The following FRMD4B variants were observed in gnomAD, a reference collection of about 807,000 sequenced individuals.
FRMD4B encodes FERM domain containing 4B, also known as FERM domain-containing protein 4B.
Under a neutral mutation model 141.5 loss-of-function variants are expected in FRMD4B, and 74 were observed. That is an observed-to-expected ratio of 0.52 (90% CI 0.43 to 0.63). FRMD4B has a LOEUF of 0.63. FRMD4B is among the 30% of genes least tolerant of loss of function. FRMD4B has a pLI of 0.00. For missense variants in FRMD4B, 1,366 were observed against 1,253.4 expected (o/e 1.09, Z -1.36); for synonymous variants, 506 against 467.9 (o/e 1.08, Z -1.05).
At chr3:69,535,770 C>T in intron 1 of FRMD4B, 1 of 469,436 alleles carries the variant, frequency 2.1e-6, no homozygotes, top group Non-Finnish European at 4.4e-6. Flanking sequence ...GTGCAGGCAC[C>T]ACCTTGGACC....
intron 1 of FRMD4B, among the ~76,000 whole-genome samples, chr3:69,338,008 G>C (rs576841902): frequency 6.6e-6 from 1 of 152,276 alleles, no homozygotes; most frequent in Non-Finnish European, 1.5e-5. Flanking sequence ...ACATGCACAC[G>C]TATGTTTATT....
chr3:69,397,724 A>G (rs1222050014), intron 2 of FRMD4B, among the ~76,000 whole-genome samples: 1 of 152,116 alleles, frequency 6.6e-6, no homozygotes. Context: ...ATTAGGGAGA[A>G]ATGGGGAATG....
chr3:69,183,719 T>C (rs2092734940), intron 19 of FRMD4B, among the ~76,000 whole-genome samples: 3 of 152,048 alleles, frequency 2.0e-5, no homozygotes, highest in South Asian at 4.2e-4. Flanking sequence ...CCTGACCTTG[T>C]GATCCGCCCA....
At chr3:69,504,538 T>C (rs1343233595) in intron 1 of FRMD4B, among the ~76,000 whole-genome samples, 1 of 152,218 alleles carries the variant, frequency 6.6e-6, no homozygotes. Context: ...TTGCCTATTC[T>C]GGGCATTTCA....
intron 2 of FRMD4B, 98 bp from the exon 3 acceptor site, chr3:69,311,455 A>G (rs1363007517): frequency 9.5e-6 from 6 of 628,954 alleles, no homozygotes; most frequent in African/African-American, 1.8e-5. Flanking sequence ...GCTTTTGTTT[A>G]TTTGTTTGTT....
chr3:69,216,501 G>A (rs966965212), intron 10 of FRMD4B, among the ~76,000 whole-genome samples, 152 bp from the exon 11 acceptor site: 10 of 144,104 alleles, frequency 6.9e-5, no homozygotes, highest in African/African-American at 1.0e-4. Context: ...GCATGATCTC[G>A]GCTCACTGCA....
At chr3:69,252,730 C>T (rs572489817) in intron 5 of FRMD4B, among the ~76,000 whole-genome samples, 8 of 152,128 alleles carry the variant, frequency 5.3e-5, no homozygotes, top group Non-Finnish European at 1.0e-4. Context: ...TTGGAAGTGC[C>T]GTCTGCCCAG....
At chr3:69,448,752 G>GA (rs1318500055) in intron 1 of FRMD4B, among the ~76,000 whole-genome samples, 1 of 151,948 alleles carries the variant, frequency 6.6e-6, no homozygotes, top group Admixed American at 6.5e-5. Flanking sequence ...AAACAATTTT[G>GA]AAAAAATGCA....
chr3:69,456,064 T>G (rs1393397049), intron 1 of FRMD4B, among the ~76,000 whole-genome samples: 1 of 152,220 alleles, frequency 6.6e-6, no homozygotes, highest in Non-Finnish European at 1.5e-5. Context: ...TAATAACTGG[T>G]GCCGAGTATC....
chr3:69,326,105 T>C (rs1484400583), intron 1 of FRMD4B, among the ~76,000 whole-genome samples: 1 of 150,268 alleles, frequency 6.7e-6, no homozygotes, highest in Non-Finnish European at 1.5e-5. Context: ...CACACCATCA[T>C]GCCTGGCTAA....
At chr3:69,430,144 A>C (rs1705155368) in intron 2 of FRMD4B, among the ~76,000 whole-genome samples, 1 of 151,530 alleles carries the variant, frequency 6.6e-6, no homozygotes, top group Non-Finnish European at 1.5e-5. Flanking sequence ...TTGGTACTAT[A>C]ATCAGGACTG....
At chr3:69,174,059 C>G (rs2092617460) in intron 22 of FRMD4B, among the ~76,000 whole-genome samples, 2 of 151,708 alleles carry the variant, frequency 1.3e-5, no homozygotes, top group Non-Finnish European at 2.9e-5. Flanking sequence ...ATCACTTGAC[C>G]CTGGGTGGCA....
intron 2 of FRMD4B, among the ~76,000 whole-genome samples, chr3:69,403,349 T>G (rs1274138133): frequency 6.6e-6 from 1 of 152,208 alleles, no homozygotes; most frequent in East Asian, 1.9e-4. Flanking sequence ...TGTCCCCATT[T>G]TAAAACTGGC....
At chr3:69,490,225 G>A (rs1268758746) in intron 1 of FRMD4B, among the ~76,000 whole-genome samples, 1 of 152,172 alleles carries the variant, frequency 6.6e-6, no homozygotes, top group Non-Finnish European at 1.5e-5. Context: ...TTTTAAATGA[G>A]ATGATGGTTT....
chr3:69,408,425 C>A (rs1704690327), intron 2 of FRMD4B, among the ~76,000 whole-genome samples: 1 of 152,168 alleles, frequency 6.6e-6, no homozygotes. Context: ...AAAGTTCCGC[C>A]AATTGACGCT....
chr3:69,338,639 A>C lies in FRMD4B; in HGVS notation c.163-25122T>G, dbSNP rs189281992. Among the ~76,000 whole-genome samples the C allele has an allele frequency of 1.8e-3, 271 of 152,304 alleles. 2 individuals carry two copies. Among genetic ancestry groups the C allele is most frequent in the African/African-American group, 6.2e-3 (256 of 41,580 alleles). On this transcript the variant is annotated intron_variant, in intron 1 of 22. Coordinates refer to ENST00000398540, the MANE Select transcript of FRMD4B (RefSeq NM_015123.3). ...TAAGTGGGAGCTAAACATTGAGTAC[A>C]CATGGACACAAAGAAGGGAACAACA...
chr3:69,484,857 G>A (rs532360576), intron 1 of FRMD4B, among the ~76,000 whole-genome samples: 244 of 152,228 alleles, frequency 1.6e-3, no homozygotes, highest in Admixed American at 3.3e-3. Flanking sequence ...GTGCTAACTC[G>A]TCCATGGGCA....
At chr3:69,482,694 T>C (rs1191716541) in intron 1 of FRMD4B, among the ~76,000 whole-genome samples, 1 of 152,148 alleles carries the variant, frequency 6.6e-6, no homozygotes, top group Non-Finnish European at 1.5e-5. Flanking sequence ...CTAAAATATA[T>C]TAGAGGGGGC....
intron 1 of FRMD4B, among the ~76,000 whole-genome samples, chr3:69,480,719 G>A (rs1343927249): frequency 6.6e-6 from 1 of 152,236 alleles, no homozygotes; most frequent in Non-Finnish European, 1.5e-5. Flanking sequence ...CGTGCTGGGA[G>A]AACCACTGCT....
Sources: gnomAD v4.1 joint callset for allele counts (sites outside exome capture counted in the v4.1 genomes callset) on GRCh38, gnomAD v4.1.1 for gene constraint, MANE v1.5 for transcripts, NCBI Gene and HGNC (gene_info 2026-07-23, HGNC 2026-07-21) for gene names.